Variants in MAEL observed in about 807,000 individuals in gnomAD.
The protein encoded by MAEL is maelstrom spermatogenic transposon silencer, also known as protein maelstrom homolog.
In MAEL, 46 loss-of-function variants were observed where a neutral mutation model predicts 62.0. That is an observed-to-expected ratio of 0.74 (90% CI 0.59 to 0.95). The LOEUF is 0.95. Ranked by LOEUF, MAEL falls within the 40% of genes least tolerant of loss-of-function variation. The pLI, the probability that MAEL is intolerant of heterozygous loss-of-function variation, is 0.00. For missense variants in MAEL, 497 were observed against 526.8 expected, an observed-to-expected ratio of 0.94 and a Z score of 0.55; for synonymous variants, 172 against 175.5, an observed-to-expected ratio of 0.98 and a Z score of 0.16.
chr1:166,978,102 G>A (rs1663648844), intron 1 of MAEL, among the ~76,000 whole-genome samples: 1 of 152,224 alleles, frequency 6.6e-6, no homozygotes, highest in Admixed American at 6.5e-5. Context: ...CTCAGAGGAG[G>A]TGTCTGTGTA....
upstream of MAEL, among the ~76,000 whole-genome samples, chr1:166,988,636 T>C (rs555980597): frequency 1.1e-4 from 17 of 152,182 alleles, no homozygotes; most frequent in South Asian, 3.3e-3. Context: ...TAGACATCAG[T>C]AGTAATCAAT....
chr1:167,011,882 A>G (rs1413663475), intron 8 of MAEL, among the ~76,000 whole-genome samples: 1 of 152,216 alleles, frequency 6.6e-6, no homozygotes, highest in African/African-American at 2.4e-5. Context: ...GAAGAAATAC[A>G]GTGTTGAGTT....
chr1:167,010,544 CA>C (rs1398689082), intron 8 of MAEL, among the ~76,000 whole-genome samples: 2 of 152,138 alleles, frequency 1.3e-5, no homozygotes, highest in African/African-American at 4.8e-5. Context: ...CTCCTAGAGT[CA>C]AGCAGTCCTC....
chr1:166,999,638 A>G (rs1402197331), intron 5 of MAEL, among the ~76,000 whole-genome samples: 2 of 152,248 alleles, frequency 1.3e-5, no homozygotes, highest in Non-Finnish European at 2.9e-5. Context: ...AGGTGGCTAC[A>G]GCAAATGGCA....
At chr1:166,977,500 T>C (rs1426095798) in intron 1 of MAEL, among the ~76,000 whole-genome samples, 1 of 152,196 alleles carries the variant, frequency 6.6e-6, no homozygotes, top group African/African-American at 2.4e-5. Context: ...GATTTGAATC[T>C]GACTCTAAAG....
intron 5 of MAEL, among the ~76,000 whole-genome samples, chr1:167,003,192 A>T (rs916783133): frequency 1.3e-5 from 2 of 152,096 alleles, no homozygotes; most frequent in African/African-American, 4.8e-5. Flanking sequence ...GGCTCAATTG[A>T]TCCAGTCTCA....
At chr1:166,983,022 G>T (rs1663804272) in intron 1 of MAEL, among the ~76,000 whole-genome samples, 1 of 152,030 alleles carries the variant, frequency 6.6e-6, no homozygotes, top group Non-Finnish European at 1.5e-5. Flanking sequence ...CCCTCTAACT[G>T]TTGCTATTCC....
chr1:167,018,199 A>G (rs1222576082), intron 10 of MAEL, among the ~76,000 whole-genome samples: 1 of 152,212 alleles, frequency 6.6e-6, no homozygotes, highest in Non-Finnish European at 1.5e-5. Flanking sequence ...TAAAACTGGT[A>G]TTTAATCTTT....
Position 167,017,860 on chromosome 1 carries a change from T to C in MAEL, c.942T>C (p.Phe314=). 6.2e-7 allele frequency: 1 copy of C among 1,613,138 alleles called. No homozygotes were observed. Residue 314 remains phenylalanine, a synonymous_variant, in exon 10 of 12, where the codon TTT becomes TTC. Coordinates refer to ENST00000367872, the MANE Select transcript of MAEL (RefSeq NM_032858.3). ...YCISNSLATL[F]GIQLTEAHVP... ...TCAGTAATTCTCTGGCCACTCTCTT[T>C]GGAATCCAGCTCACAGAGGCTCATG...
intron 3 of MAEL, among the ~76,000 whole-genome samples, chr1:166,991,743 T>C (rs1664183175): frequency 6.6e-6 from 1 of 152,170 alleles, no homozygotes; most frequent in Admixed American, 6.5e-5. Context: ...GACTTGTTTA[T>C]AATTGGACAC....
chr1:167,006,565 T>G (rs1318087455), intron 8 of MAEL, among the ~76,000 whole-genome samples: 1 of 146,886 alleles, frequency 6.8e-6, no homozygotes, highest in Non-Finnish European at 1.5e-5. Context: ...ATAGTACCTA[T>G]CAATATTTCT....
chr1:167,016,177 C>A, intron 8 of MAEL, 45 bp from the exon 9 acceptor site: 1 of 1,509,278 alleles, frequency 6.6e-7, no homozygotes, highest in Non-Finnish European at 9.2e-7. Flanking sequence ...AACCTTTAAG[C>A]AGTGCTACTT....
chr1:167,012,657 A>T (rs1031093740), intron 8 of MAEL: 34 of 152,252 alleles, frequency 2.2e-4, no homozygotes, highest in African/African-American at 5.5e-4. Flanking sequence ...ACAGAGAAGA[A>T]TGTATAGAAA....
intron 1 of MAEL, among the ~76,000 whole-genome samples, chr1:166,978,182 A>G (rs1156423003): frequency 6.6e-6 from 1 of 152,144 alleles, no homozygotes; most frequent in African/African-American, 2.4e-5. Flanking sequence ...CTTGTCCATC[A>G]TCCCAGAAAT....
intron 5 of MAEL, among the ~76,000 whole-genome samples, chr1:167,000,079 A>G (rs373796193): frequency 2.6e-5 from 4 of 152,206 alleles, no homozygotes; most frequent in East Asian, 1.9e-4. Context: ...TGCTACCACA[A>G]TATTCATTCT....
chr1:166,986,424 G>T (rs1663915195), upstream of MAEL, among the ~76,000 whole-genome samples: 1 of 152,294 alleles, frequency 6.6e-6, no homozygotes, highest in Non-Finnish European at 1.5e-5. Flanking sequence ...GTGGGACGGT[G>T]GTGCGTGGAG....
intron 5 of MAEL, among the ~76,000 whole-genome samples, chr1:166,995,420 G>A (rs1664381455): frequency 6.6e-6 from 1 of 151,946 alleles, no homozygotes; most frequent in Admixed American, 6.6e-5. Flanking sequence ...TGTATTTTTT[G>A]TAGAGCGGGG....
In MAEL at chr1:166,989,956, G is replaced by A. The variant is rs1388427919; in HGVS notation, c.225+127G>A. ...GGGGTTCGGTTAGTGCGAAGACGAC[G>A]TTCTTCTTTTCCCCTGGTGTCAGAA... On this transcript the variant is annotated intron_variant, in intron 2 of 11. Transcript: ENST00000367872. The A allele has an allele frequency of 4.2e-6, 3 of 709,966 alleles. No homozygotes were observed. In the African/African-American group the frequency reaches 5.4e-5, roughly 13 times the overall value. 44.0% of individuals were successfully genotyped at this position (709,966 alleles called of 1,614,324 possible). A position where few individuals can be genotyped will look rare whatever the true frequency, so the allele number is the denominator to read the frequency against.
intron 8 of MAEL, among the ~76,000 whole-genome samples, chr1:167,015,248 A>C (rs1215102946): frequency 6.6e-6 from 1 of 152,100 alleles, no homozygotes; most frequent in South Asian, 2.1e-4. Flanking sequence ...ATGTTTATAT[A>C]ACTTAACTTT....
Sources: allele counts gnomAD v4.1 joint callset (sites outside exome capture counted in the v4.1 genomes callset), GRCh38; gene constraint gnomAD v4.1.1; transcripts MANE v1.5; gene names NCBI Gene and HGNC (gene_info 2026-07-23, HGNC 2026-07-21).